NLRP12: variants seen among roughly 807,000 people sequenced by gnomAD.
The protein encoded by NLRP12 is NLR family pyrin domain containing 12.
A neutral mutation model predicts 91.2 loss-of-function variants in NLRP12; 108 were observed. That is an observed-to-expected ratio of 1.18 (90% confidence interval 1.01 to 1.39). The LOEUF is 1.39. Ranked by LOEUF, NLRP12 falls within the 40% of genes most tolerant of loss-of-function variation. The pLI is 0.00. For missense variants in NLRP12, 1,530 were observed against 1,352.7 expected, an observed-to-expected ratio of 1.13 and a Z score of -2.06; for synonymous variants, 613 against 566.7, an observed-to-expected ratio of 1.08 and a Z score of -1.16.
chr19:53,800,197 C>G (rs998285681), intron 7 of NLRP12, among the ~76,000 whole-genome samples: 1 of 151,906 alleles, frequency 6.6e-6, no homozygotes, highest in African/African-American at 2.4e-5. Flanking sequence ...CCCAGCTACT[C>G]GGGAGGCTGA....
At chr19:53,805,598 A>G (rs571347115) in intron 4 of NLRP12, 148 bp from the exon 5 acceptor site, 4 of 797,066 alleles carry the variant, frequency 5.0e-6, no homozygotes, top group African/African-American at 1.8e-5. Context: ...GCTTACCACA[A>G]CCTCTGCCTC....
Position 53,805,341 on chromosome 19 carries a change from G to A in NLRP12, c.2353C>T (p.Pro785Ser). The A allele has an allele frequency of 6.2e-7, 1 of 1,614,014 alleles. No homozygotes were observed. Among genetic ancestry groups the A allele is most frequent in the Non-Finnish European group, 8.5e-7 (1 of 1,180,018 alleles). ...CCCTCGCAAAGCAGCATCATGCCTG[G>A]GAATCCAACGCCGTTGCCACTGAGA... ...MDLSGNGVGF[P>S]GMMLLCEGLR... Residue 785 changes from proline to serine, a missense_variant, in exon 5 of 10, where the codon CCA (proline) becomes TCA (serine). By Grantham distance (74) the Pro-to-Ser change is moderately conservative. Transcript: ENST00000324134.
intron 8 of NLRP12, among the ~76,000 whole-genome samples, chr19:53,796,458 A>C (rs1024535101): frequency 3.3e-5 from 5 of 151,846 alleles, no homozygotes; most frequent in African/African-American, 1.2e-4. Context: ...CTTGTTGGCC[A>C]GAATGGTCTC....
Position 53,809,773 on chromosome 19 carries a change from G to A in NLRP12, c.1886C>T (p.Ala629Val), listed in dbSNP as rs146250162. The A allele has an allele frequency of 1.2e-6, 2 of 1,614,164 alleles. No individual in the cohort carries two copies. Among genetic ancestry groups the A allele is most frequent in the Non-Finnish European group, 1.7e-6 (2 of 1,180,034 alleles). Residue 629 changes from alanine to valine, a missense_variant, in exon 3 of 10, where the codon GCC becomes GTC. Physicochemically the swap from Ala to Val is moderately conservative, Grantham distance 64. Transcript: ENST00000324134. Reference protein sequence around the residue: ...EIQEEEFIQQALSHFQVIVVS... With the variant: ...EIQEEEFIQQVLSHFQVIVVS... ...CACGATCACCTGGAAGTGGCTCAGG[G>A]CCTGCTGGATAAACTCCTCCTCCTG...
intron 3 of NLRP12, chr19:53,808,162 A>G (rs1474638301): frequency 3.7e-6 from 1 of 270,402 alleles, no homozygotes; most frequent in Non-Finnish European, 7.3e-6. Flanking sequence ...GGCTTAAGCA[A>G]TCCTCCCACC....
intron 1 of NLRP12, among the ~76,000 whole-genome samples, chr19:53,818,465 A>G (rs2092195991): frequency 6.6e-6 from 1 of 151,958 alleles, no homozygotes; most frequent in Non-Finnish European, 1.5e-5. Context: ...CAGGAGATTG[A>G]GACCATCCTG....
In NLRP12 at chr19:53,806,637, C is replaced by G. The variant is rs371491523; in HGVS notation, c.2243+858G>C. Among the ~76,000 whole-genome samples, 9 of 133,148 alleles carry G rather than the reference C, an allele frequency of 6.8e-5. No individual in the cohort carries two copies. The East Asian group carries it at 2.1e-3, about 31-fold the overall frequency. 87.4% of individuals were successfully genotyped at this position (133,148 alleles called of 152,430 possible). A position where few individuals can be genotyped will look rare whatever the true frequency, so the allele number is the denominator to read the frequency against. ...CAGAGGTTGCAGTGAGCCGAGATCACGCTACTGCACTCCAGCCTGGTGACA... is the reference window on the plus strand; with the variant it reads ...CAGAGGTTGCAGTGAGCCGAGATCAGGCTACTGCACTCCAGCCTGGTGACA... On this transcript the variant is annotated intron_variant, in intron 4 of 9. Coordinates refer to ENST00000324134, the MANE Select transcript of NLRP12 (RefSeq NM_144687.4).
chr19:53,807,442 A>G, intron 4 of NLRP12, 53 bp downstream of exon 4: 2 of 1,566,262 alleles, frequency 1.3e-6, no homozygotes, highest in South Asian at 1.1e-5. Flanking sequence ...ACTGATCCCC[A>G]TGAGAGGCCA....
intron 9 of NLRP12, among the ~76,000 whole-genome samples, chr19:53,795,016 C>A (rs1412174271): frequency 1.3e-5 from 2 of 151,960 alleles, no homozygotes; most frequent in African/African-American, 4.8e-5. Flanking sequence ...TGGTTCACTG[C>A]AGCCTTGAAC....
intron 1 of NLRP12, among the ~76,000 whole-genome samples, chr19:53,819,550 TGTATGTATACGTATATATATGC>T (rs756248204): frequency 0.077 from 8,543 of 110,306 alleles, 3,337 homozygotes; most frequent in Middle Eastern, 0.14. Context: ...CGTATATATA[TGTATGTATACGTATATATATGC>T]GTATATATGT....
intron 6 of NLRP12, chr19:53,803,581 CTTTGT>C: frequency 2.9e-6 from 1 of 345,934 alleles, no homozygotes; most frequent in Non-Finnish European, 5.7e-6. Context: ...CACTATTCTA[CTTTGT>C]TTTTTGAGAT....
chr19:53,811,003 G>A lies in NLRP12; in HGVS notation c.656C>T (p.Ala219Val). ...TGCCAGCATGGACTTGCCTATCCCT[G>A]CCGCGCCTTGCATGACCACGGTGCG... ...PPRTVVMQGA[A>V]GIGKSMLAHK... Residue 219 changes from alanine (A) to valine (V), a missense_variant, in exon 3 of 10, where the codon GCA becomes GTA. Coordinates refer to ENST00000324134, the MANE Select transcript of NLRP12 (RefSeq NM_144687.4). 6.8e-6 allele frequency: 11 copies of A among 1,613,968 alleles called. No individual in the cohort carries two copies. The highest frequency in any genetic ancestry group is 8.5e-6 in the Non-Finnish European group (10 of 1,179,870).
chr19:53,795,107 C>CGTGTGCGT (rs1555792121), intron 9 of NLRP12, among the ~76,000 whole-genome samples: 3 of 85,444 alleles, frequency 3.5e-5, no homozygotes, highest in African/African-American at 1.4e-4. Flanking sequence ...CTGGTGTGTG[C>CGTGTGCGT]GTGTGTGTGT....
rs1167870562 is a variant in NLRP12, at chr19:53,811,105, C to T, written c.554G>A (p.Arg185Lys). 1.9e-6 allele frequency: 3 copies of T among 1,613,942 alleles called. No individual in the cohort carries two copies. The highest frequency in any genetic ancestry group is 2.5e-6 in the Non-Finnish European group (3 of 1,180,000). ...QLLDTGRGHA[R>K]TVGHQASPIK... Reference sequence around the variant, plus strand: ...GGGGCTAGCCTGGTGTCCCACGGTCCTCGCGTGTCCCCGGCCTGTGTCCAG... The same window carrying T: ...GGGGCTAGCCTGGTGTCCCACGGTCTTCGCGTGTCCCCGGCCTGTGTCCAG... The change falls in exon 3 of 10, where the codon AGG becomes AAG. Residue 185 changes from arginine to lysine, a missense_variant. Arg to Lys is a conservative substitution (Grantham distance 26). Transcript: ENST00000324134.
At chr19:53,799,738 C>A (rs1411878997) in intron 7 of NLRP12, among the ~76,000 whole-genome samples, 2 of 152,074 alleles carry the variant, frequency 1.3e-5, no homozygotes, top group Non-Finnish European at 2.9e-5. Context: ...CCACCTTGGC[C>A]TCCCAAAGTG....
chr19:53,810,820 T>C lies in NLRP12; in HGVS notation c.839A>G (p.Gln280Arg). The stretch of plus-strand genomic sequence containing the variant: ...GCGCTCGGGAACTCGGATGAGCTCC[T>C]GGAGAGGCGCGCTGGGCTCAGGCCA... The part of the protein sequence containing the change: ...SCWPEPSAPL[Q>R]ELIRVPERLL... The change falls in exon 3 of 10, where the codon CAG (glutamine) becomes CGG (arginine). Residue 280 changes from glutamine (Q) to arginine (R), a missense_variant. Coordinates refer to ENST00000324134, the MANE Select transcript of NLRP12 (RefSeq NM_144687.4). The C allele has an allele frequency of 1.9e-6, 3 of 1,614,094 alleles. No homozygotes were observed. The highest frequency in any genetic ancestry group is 2.5e-6 in the Non-Finnish European group (3 of 1,180,022).
At position 53,807,815 on chromosome 19, in the gene NLRP12, AT is replaced by A. The variant is rs2091987097; in HGVS notation, c.2073-151del. ...GCCCAGGCTGGAGTGCAATGGCGCA[AT>A]CTCAGCTCACCACAACCTCCGCCTC... On this transcript the variant is annotated intron_variant, in intron 3 of 9. Transcript: ENST00000324134. 22 of 824,378 alleles carry A rather than the reference AT, an allele frequency of 2.7e-5. No individual in the cohort carries two copies. In the South Asian group the frequency reaches 3.0e-4, roughly 11 times the overall value. 51.1% of individuals were successfully genotyped at this position (824,378 alleles called of 1,614,324 possible). A position where few individuals can be genotyped will look rare whatever the true frequency, so the allele number is the denominator to read the frequency against.
At chr19:53,821,320 G>A (rs892695663) in intron 1 of NLRP12, among the ~76,000 whole-genome samples, 8 of 151,794 alleles carry the variant, frequency 5.3e-5, no homozygotes, top group Admixed American at 2.0e-4. Context: ...TTACAGGCGT[G>A]AGCCACCGCA....
At chr19:53,798,030 T>A (rs7253537) in intron 8 of NLRP12, among the ~76,000 whole-genome samples, 4 of 152,120 alleles carry the variant, frequency 2.6e-5, no homozygotes, top group African/African-American at 9.7e-5. Flanking sequence ...CCATCGCGCC[T>A]GGCCTTAAGT....
Sources: allele counts gnomAD v4.1 joint callset (sites outside exome capture counted in the v4.1 genomes callset), GRCh38; gene constraint gnomAD v4.1.1; transcripts MANE v1.5; gene names NCBI Gene and HGNC (gene_info 2026-07-23, HGNC 2026-07-21).